The following AADACL2 variants were observed in gnomAD, a reference collection of about 807,000 sequenced individuals.
The protein encoded by AADACL2 is arylacetamide deacetylase-like 2.
In AADACL2, 23 loss-of-function variants were observed where a neutral mutation model predicts 22.3. The observed-to-expected ratio is 1.03, with a 90% CI of 0.74 to 1.46. AADACL2 has a LOEUF of 1.46. Among genes scored for constraint, AADACL2 ranks in the 40% most tolerant of loss-of-function variants. The pLI is 0.00. For synonymous variants in AADACL2, 177 were observed against 166.2 expected (o/e 1.07, Z -0.50); for missense variants, 472 against 482.9 (o/e 0.98, Z 0.21).
chr3:151,752,550 A>T (rs1713712243), intron 4 of AADACL2, among the ~76,000 whole-genome samples: 1 of 152,224 alleles, frequency 6.6e-6, no homozygotes, highest in Non-Finnish European at 1.5e-5. Flanking sequence ...ACTCTTGTGG[A>T]CATGGTGCCT....
chr3:151,755,452 G>T (rs1478161013), intron 4 of AADACL2, among the ~76,000 whole-genome samples: 1 of 152,130 alleles, frequency 6.6e-6, no homozygotes, highest in Admixed American at 6.6e-5. Context: ...ATATATGCTT[G>T]TGAGTATATA....
chr3:151,753,830 T>C lies in AADACL2; in HGVS notation c.604-3162T>C, dbSNP rs187611256. Among the ~76,000 whole-genome samples, 4 of 152,186 alleles carry C rather than the reference T, an allele frequency of 2.6e-5. No individual in the cohort carries two copies. In the East Asian group the frequency reaches 7.7e-4, roughly 29 times the overall value. ...CAAACCAGGGAGCTAGATGGTAGGG[T>C]ATCTTGTGAACAAGTAACTGGATTG... On this transcript the variant is annotated intron_variant, in intron 4 of 4. Transcript: ENST00000356517.
At chr3:151,745,768 T>A in intron 4 of AADACL2, 88 bp downstream of exon 4, 1 of 1,334,606 alleles carries the variant, frequency 7.5e-7, no homozygotes, top group Non-Finnish European at 1.0e-6. Context: ...CCACCATTTG[T>A]TGAAAAGACC....
At chr3:151,754,121 C>A (rs1403372292) in intron 4 of AADACL2, among the ~76,000 whole-genome samples, 1 of 152,088 alleles carries the variant, frequency 6.6e-6, no homozygotes, top group Non-Finnish European at 1.5e-5. Flanking sequence ...TGGATCATCC[C>A]TTCTCTGACT....
At chr3:151,742,619 T>C (rs1713317017) in intron 2 of AADACL2, among the ~76,000 whole-genome samples, 1 of 152,074 alleles carries the variant, frequency 6.6e-6, no homozygotes, top group Non-Finnish European at 1.5e-5. Flanking sequence ...ATTATGACAC[T>C]AAGAGCTCAG....
In AADACL2 at chr3:151,740,628, T is replaced by C. The variant is rs1257429670; in HGVS notation, c.139-18T>C. The C allele has an allele frequency of 2.7e-6, 4 of 1,505,086 alleles. No homozygotes were observed. The African/African-American group carries it at 5.6e-5, about 21-fold the overall frequency. The allele number at this position is 1,505,086 out of a possible 1,614,324, so 93.2% of individuals were successfully genotyped here. A position where few individuals can be genotyped will look rare whatever the true frequency, so the allele number is the denominator to read the frequency against. On this transcript the variant is annotated intron_variant, in intron 1 of 4. Transcript: ENST00000356517. ...TTAAATATCTAAATATTTAATTTTG[T>C]TTGTTTTGTTCTTACAGGCTATGTG...
Position 151,760,351 on chromosome 3 carries a change from G to A in AADACL2, c.*2757G>A, listed in dbSNP as rs1023108285. The A allele has an allele frequency of 3.9e-5, 6 of 152,110 alleles. No individual in the cohort carries two copies. The highest frequency in any genetic ancestry group is 1.4e-4 in the African/African-American group (6 of 41,408). The allele number at this position is 152,110 out of a possible 1,614,324, so 9.4% of individuals were successfully genotyped here. On this transcript the variant is annotated 3_prime_UTR_variant, in exon 5 of 5. Coordinates refer to ENST00000356517, the MANE Select transcript of AADACL2 (RefSeq NM_207365.4). ...TAAGAGAAACAGTGATGCAGAACCT[G>A]AGAGTCAAATTTAATATTCTCTAGG...
At chr3:151,751,084 C>T (rs1211812173) in intron 4 of AADACL2, among the ~76,000 whole-genome samples, 1 of 152,116 alleles carries the variant, frequency 6.6e-6, no homozygotes, top group Non-Finnish European at 1.5e-5. Context: ...CATGTTGATT[C>T]CTTAGGACTC....
chr3:151,748,863 CAATTT>C (rs796355740), intron 4 of AADACL2, among the ~76,000 whole-genome samples: 35 of 152,260 alleles, frequency 2.3e-4, no homozygotes, highest in African/African-American at 8.2e-4. Context: ...ACTAAGACAA[CAATTT>C]ATTTCTTAGC....
At chr3:151,741,330 G>A (rs972767837) in intron 2 of AADACL2, among the ~76,000 whole-genome samples, 1 of 151,960 alleles carries the variant, frequency 6.6e-6, no homozygotes, top group Non-Finnish European at 1.5e-5. Flanking sequence ...TGTTAGTATT[G>A]ACTCTAAAAA....
At position 151,751,178 on chromosome 3, in the gene AADACL2, T is replaced by C. The variant is rs554807299; in HGVS notation, c.603+5498T>C. Among the ~76,000 whole-genome samples, 3 of 152,228 alleles carry C rather than the reference T, an allele frequency of 2.0e-5. No individual in the cohort carries two copies. In the East Asian group the frequency reaches 5.8e-4, roughly 29 times the overall value. On this transcript the variant is annotated intron_variant, in intron 4 of 4. Transcript: ENST00000356517. ...TACTGGAGTAAAATGAGGAGTATGA[T>C]GGAGGGTAAAAATTGGAGAATGCCC...
chr3:151,738,659 T>A (rs1355760688), intron 1 of AADACL2, among the ~76,000 whole-genome samples: 1 of 152,226 alleles, frequency 6.6e-6, no homozygotes, highest in African/African-American at 2.4e-5. Context: ...TCTTTTCACA[T>A]AGTTCCATAT....
At chr3:151,752,973 T>A (rs1019877458) in intron 4 of AADACL2, among the ~76,000 whole-genome samples, 5 of 152,192 alleles carry the variant, frequency 3.3e-5, no homozygotes, top group Admixed American at 2.0e-4. Context: ...ATATTACATA[T>A]GTGACACTTC....
rs560116381 is a variant in AADACL2, at chr3:151,757,633, G to C, written c.*39G>C. The C allele has an allele frequency of 6.5e-7, 1 of 1,534,352 alleles. No individual in the cohort carries two copies. Among genetic ancestry groups the C allele is most frequent in the Non-Finnish European group, 8.8e-7 (1 of 1,142,398 alleles). On this transcript the variant is annotated 3_prime_UTR_variant, in exon 5 of 5. Coordinates refer to ENST00000356517, the MANE Select transcript of AADACL2 (RefSeq NM_207365.4). ...ATGTATAGCCCTTACATAGTGGATTGTAATTTGTGATATTTTGTGGTTTTG... is the reference window on the plus strand; with the variant it reads ...ATGTATAGCCCTTACATAGTGGATTCTAATTTGTGATATTTTGTGGTTTTG...
chr3:151,741,740 G>A (rs1003561026), intron 2 of AADACL2, among the ~76,000 whole-genome samples: 1 of 152,100 alleles, frequency 6.6e-6, no homozygotes, highest in Admixed American at 6.6e-5. Flanking sequence ...AAATATCCAA[G>A]TGTTCATATA....
chr3:151,756,235 G>T (rs76239328), intron 4 of AADACL2, among the ~76,000 whole-genome samples: 1 of 152,078 alleles, frequency 6.6e-6, no homozygotes, highest in South Asian at 2.1e-4. Flanking sequence ...AGGGTCATAG[G>T]TGAGACCTCA....
intron 4 of AADACL2, among the ~76,000 whole-genome samples, chr3:151,752,731 A>G (rs1713717621): frequency 6.6e-6 from 1 of 152,200 alleles, no homozygotes; most frequent in African/African-American, 2.4e-5. Context: ...ATTTTGAAGT[A>G]ATTAGTAAGT....
chr3:151,740,879 T>C lies in AADACL2; in HGVS notation c.361+11T>C, dbSNP rs1311795206. On this transcript the variant is annotated intron_variant, in intron 2 of 4. Coordinates refer to ENST00000356517, the MANE Select transcript of AADACL2 (RefSeq NM_207365.4). ...GTTTTGGAAGTTCCAGTAAGTTCATTGTATAAGGAAAAAGTGTAGCTAGCT... is the reference window on the plus strand; with the variant it reads ...GTTTTGGAAGTTCCAGTAAGTTCATCGTATAAGGAAAAAGTGTAGCTAGCT... The C allele has an allele frequency of 6.2e-7, 1 of 1,611,666 alleles. No homozygotes were observed. Among genetic ancestry groups the C allele is most frequent in the Non-Finnish European group, 8.5e-7 (1 of 1,178,074 alleles).
chr3:151,744,749 TA>T (rs1159204504), intron 3 of AADACL2, among the ~76,000 whole-genome samples: 1 of 152,166 alleles, frequency 6.6e-6, no homozygotes, highest in East Asian at 1.9e-4. Flanking sequence ...TAGTTTATAA[TA>T]AAATTCTAAG....
Sources: gnomAD v4.1 joint callset for allele counts (sites outside exome capture counted in the v4.1 genomes callset) on GRCh38, gnomAD v4.1.1 for gene constraint, MANE v1.5 for transcripts, NCBI Gene and HGNC (gene_info 2026-07-23, HGNC 2026-07-21) for gene names.